Variants in TMEM233 observed in about 807,000 individuals in gnomAD.
TMEM233 encodes transmembrane protein 233.
In TMEM233, 6 loss-of-function variants were observed where a neutral mutation model predicts 11.2. That is an observed-to-expected ratio of 0.54 (90% CI 0.29 to 1.06). The LOEUF (loss-of-function observed/expected upper bound fraction) is 1.06, where lower values mean the gene tolerates loss of function less well. TMEM233 is among the 50% of genes least tolerant of loss of function. TMEM233 has a pLI of 0.08. For missense variants in TMEM233, 127 were observed against 144.7 expected (o/e 0.88, Z 0.63); for synonymous variants, 59 against 55.8 (o/e 1.06, Z -0.26).
At chr12:119,615,059 C>T (rs909025841) in intron 1 of TMEM233, among the ~76,000 whole-genome samples, 73 of 150,884 alleles carry the variant, frequency 4.8e-4, no homozygotes, top group African/African-American at 1.7e-3. Context: ...AAGTTCTTTC[C>T]CCCCTCCAGA....
At chr12:119,621,438 C>T (rs557426886) in intron 1 of TMEM233, among the ~76,000 whole-genome samples, 1 of 152,200 alleles carries the variant, frequency 6.6e-6, no homozygotes, top group Non-Finnish European at 1.5e-5. Flanking sequence ...CTGCCTCAGC[C>T]TCCCAAAGTG....
the TMEM233 span, among the ~76,000 whole-genome samples, chr12:119,652,935 C>T: frequency 6.6e-6 from 1 of 152,076 alleles, no homozygotes; most frequent in African/African-American, 2.4e-5. Context: ...AGGCACAAAA[C>T]CAAAATGGAT....
At chr12:119,603,053 G>A (rs941135650) in intron 1 of TMEM233, among the ~76,000 whole-genome samples, 2 of 152,102 alleles carry the variant, frequency 1.3e-5, no homozygotes, top group African/African-American at 2.4e-5. Context: ...GCAGAAGCTC[G>A]AGACAAACCT....
At position 119,624,980 on chromosome 12, in the gene TMEM233, A is replaced by ACC. The variant is rs148465476; in HGVS notation, c.187-4754_187-4753dup. On this transcript the variant is annotated intron_variant, in intron 1 of 2. Transcript: ENST00000426426. ...TACTACCCAGGTGGTTCTAATGAAC[A>ACC]CCCAAGCTGGAGAACTCCAGAATTC... is the stretch of plus-strand genomic sequence containing the variant. Among the ~76,000 whole-genome samples the ACC allele has an allele frequency of 6.0e-3, 920 of 152,200 alleles. 6 individuals are homozygous for ACC. The highest frequency in any genetic ancestry group is 0.021 in the African/African-American group (874 of 41,514).
the TMEM233 span, among the ~76,000 whole-genome samples, chr12:119,652,995 A>G: frequency 6.6e-6 from 1 of 152,216 alleles, no homozygotes; most frequent in Non-Finnish European, 1.5e-5. Context: ...AGAACGAGTC[A>G]CTAGTAATTT....
Position 119,636,214 on chromosome 12 carries a change from A to G in TMEM233, c.324-4485A>G, listed in dbSNP as rs964136354. Among the ~76,000 whole-genome samples the G allele has an allele frequency of 1.1e-4, 16 of 152,214 alleles. No homozygotes were observed. The South Asian group carries it at 2.5e-3, about 24-fold the overall frequency. On this transcript the variant is annotated intron_variant, in intron 2 of 2. Transcript: ENST00000426426. The stretch of plus-strand genomic sequence containing the variant: ...CAAGAGTTGCCTCATTAGAACAAAT[A>G]TAGTCCCATCACCCAGGAAATTCCA...
intron 1 of TMEM233, among the ~76,000 whole-genome samples, chr12:119,609,906 G>T (rs1954361605): frequency 6.6e-6 from 1 of 152,236 alleles, no homozygotes; most frequent in Non-Finnish European, 1.5e-5. Context: ...TGGGGGCACT[G>T]CCTAGTGGAG....
intron 1 of TMEM233, among the ~76,000 whole-genome samples, chr12:119,611,590 T>C (rs1322549238): frequency 6.6e-6 from 1 of 152,180 alleles, no homozygotes; most frequent in Non-Finnish European, 1.5e-5. Context: ...ATCAGATATG[T>C]GAATTGCAAA....
chr12:119,642,655 G>C lies in TMEM233; in HGVS notation c.*1950G>C, dbSNP rs1308747981. 1 of 152,102 alleles carries C rather than the reference G, an allele frequency of 6.6e-6. No individual in the cohort carries two copies. The highest frequency in any genetic ancestry group is 2.4e-5 in the African/African-American group (1 of 41,412). 9.4% of individuals were successfully genotyped at this position (152,102 alleles called of 1,614,324 possible). A position where few individuals can be genotyped will look rare whatever the true frequency, so the allele number is the denominator to read the frequency against. On this transcript the variant is annotated 3_prime_UTR_variant, in exon 3 of 3. Transcript: ENST00000426426. The stretch of plus-strand genomic sequence containing the variant: ...CTAAAATTCCTTCACCTGCAAAATG[G>C]GGATAAGAATGCCTGCCTACTTACC...
chr12:119,614,155 G>T (rs1470552885), intron 1 of TMEM233, among the ~76,000 whole-genome samples: 1 of 152,054 alleles, frequency 6.6e-6, no homozygotes, highest in Non-Finnish European at 1.5e-5. Flanking sequence ...AATCCCAGCA[G>T]GGAGTACTTT....
chr12:119,645,320 C>CAAAAAAAAAAAAA (rs3078450), downstream of TMEM233, among the ~76,000 whole-genome samples: 27 of 74,794 alleles, frequency 3.6e-4, no homozygotes, highest in African/African-American at 1.3e-3. Flanking sequence ...CACCAATTAC[C>CAAAAAAAAAAAAA]AAAAAAAAAA....
downstream of TMEM233, among the ~76,000 whole-genome samples, chr12:119,643,726 C>CCA (rs1955114873): frequency 6.6e-6 from 1 of 151,728 alleles, no homozygotes; most frequent in Non-Finnish European, 1.5e-5. Flanking sequence ...CGAGATCATG[C>CCA]CACTGCACTC....
At chr12:119,640,477 G>T (rs1314251428) in intron 2 of TMEM233, among the ~76,000 whole-genome samples, 1 of 151,998 alleles carries the variant, frequency 6.6e-6, no homozygotes, top group Non-Finnish European at 1.5e-5. Context: ...TTGTTTTTTT[G>T]CACGTACCAC....
At chr12:119,652,248 T>C in the TMEM233 span, among the ~76,000 whole-genome samples, 2 of 152,246 alleles carry the variant, frequency 1.3e-5, no homozygotes, top group South Asian at 4.1e-4. Flanking sequence ...AGTCACATTG[T>C]ATGGATATAC....
rs116209706 is a variant in TMEM233 at position 119,637,435 on chromosome 12, G to A, written c.324-3264G>A. On this transcript the variant is annotated intron_variant, in intron 2 of 2. Coordinates refer to ENST00000426426, the MANE Select transcript of TMEM233 (RefSeq NM_001136534.3). Reference sequence around the variant, plus strand: ...TTGACCCATTCTGTACTGGGAAAGCGTCTCTCTCATAAGCAAATTGAAATG... The same window carrying A: ...TTGACCCATTCTGTACTGGGAAAGCATCTCTCTCATAAGCAAATTGAAATG... Among the ~76,000 whole-genome samples the A allele has an allele frequency of 4.4e-3, 665 of 152,328 alleles. 8 individuals are homozygous for A. The highest frequency in any genetic ancestry group is 0.015 in the African/African-American group (616 of 41,560).
intron 1 of TMEM233, among the ~76,000 whole-genome samples, chr12:119,606,405 A>T (rs1255008041): frequency 6.6e-6 from 1 of 152,172 alleles, no homozygotes; most frequent in Non-Finnish European, 1.5e-5. Context: ...GATGATGAGG[A>T]TGGTTTTGAA....
chr12:119,593,988 G>T lies in TMEM233; in HGVS notation c.140G>T (p.Cys47Phe), dbSNP rs1953972429. ...TGGCTCACCATCGTCTCGTGTTTTT[G>T]CCCTGCGTACCCCATCAACATCGTG... ...YLWLTIVSCF[C>F]PAYPINIVAL... is the part of the protein sequence containing the mutation. Residue 47 changes from cysteine (C) to phenylalanine (F), a missense_variant, in exon 1 of 3, where the codon TGC (cysteine) becomes TTC (phenylalanine). Cys to Phe is a radical substitution (Grantham distance 205, BLOSUM62 -2). Coordinates refer to ENST00000426426, the MANE Select transcript of TMEM233 (RefSeq NM_001136534.3). The surrounding 1 kb of genome is among the most constrained non-coding windows in gnomAD (Gnocchi z 4.1). 1 of 1,551,700 alleles carries T rather than the reference G, an allele frequency of 6.4e-7. No individual in the cohort carries two copies. Among genetic ancestry groups the T allele is most frequent in the Non-Finnish European group, 8.7e-7 (1 of 1,146,964 alleles).
At position 119,616,590 on chromosome 12, in the gene TMEM233, C is replaced by G. The variant is rs370763859; in HGVS notation, c.187-13146C>G. On this transcript the variant is annotated intron_variant, in intron 1 of 2. Coordinates refer to ENST00000426426, the MANE Select transcript of TMEM233 (RefSeq NM_001136534.3). Reference sequence around the variant, plus strand: ...GAAAGGTGCGACTTACAAGGAGTCACAGGGAGAATTTCTCTGTGGTGATGG... The same window carrying G: ...GAAAGGTGCGACTTACAAGGAGTCAGAGGGAGAATTTCTCTGTGGTGATGG... 4.6e-5 allele frequency among the ~76,000 whole-genome samples: 7 copies of G among 152,236 alleles called. No homozygotes were observed. In the East Asian group the frequency reaches 9.7e-4, roughly 21 times the overall value.
intron 1 of TMEM233, among the ~76,000 whole-genome samples, chr12:119,623,183 C>G (rs563425922): frequency 1.3e-5 from 2 of 152,314 alleles, no homozygotes; most frequent in South Asian, 4.1e-4. Flanking sequence ...TTTTTGGTCA[C>G]TGCTACTGAG....
Sources: gnomAD v4.1 joint callset for allele counts (sites outside exome capture counted in the v4.1 genomes callset) on GRCh38, gnomAD v4.1.1 for gene constraint, Gnocchi (gnomAD v3.1) non-coding constraint, MANE v1.5 for transcripts, NCBI Gene and HGNC (gene_info 2026-07-23, HGNC 2026-07-21) for gene names.